IL1RAPL2: variants seen among roughly 807,000 people sequenced by gnomAD.
IL1RAPL2 encodes interleukin 1 receptor accessory protein like 2.
In IL1RAPL2, 3 loss-of-function variants were observed where a neutral mutation model predicts 44.1. That is an observed-to-expected ratio of 0.07 (90% CI 0.03 to 0.18). The LOEUF (loss-of-function observed/expected upper bound fraction) is 0.18, where lower values mean the gene tolerates loss of function less well. Ranked by LOEUF, IL1RAPL2 falls within the 10% of genes least tolerant of loss-of-function variation. The pLI is 1.00. For missense variants in IL1RAPL2, 391 were observed against 496.4 expected (o/e 0.79, Z 2.02); for synonymous variants, 181 against 178.8 (o/e 1.01, Z -0.10).
intron 6 of IL1RAPL2, among the ~76,000 whole-genome samples, chrX:105,610,730 C>T (rs2037329493): frequency 9.0e-6 from 1 of 111,638 alleles, no homozygotes; most frequent in African/African-American, 3.3e-5. Flanking sequence ...ACCGACTGTG[C>T]TACCAGTCAT....
intron 6 of IL1RAPL2, among the ~76,000 whole-genome samples, chrX:105,572,274 G>T (rs2037019666): frequency 8.9e-6 from 1 of 111,861 alleles, no homozygotes; most frequent in Admixed American, 9.5e-5. Flanking sequence ...GAAAAGGTCT[G>T]CAAGAGTGGG....
intron 2 of IL1RAPL2, among the ~76,000 whole-genome samples, chrX:104,677,872 G>A (rs1379921304): frequency 5.4e-5 from 6 of 111,997 alleles, no homozygotes; most frequent in African/African-American, 1.3e-4. Context: ...GGTGCCCTCC[G>A]TCACCCCTTT....
At chrX:105,375,700 T>C (rs1415781393) in intron 5 of IL1RAPL2, among the ~76,000 whole-genome samples, 4 of 112,518 alleles carry the variant, frequency 3.6e-5, no homozygotes, top group Non-Finnish European at 1.9e-5. Context: ...TTTCAAGATA[T>C]TTTTCTATGC....
chrX:104,846,843 A>T lies in IL1RAPL2; in HGVS notation c.82+187848A>T, dbSNP rs1036729711. Among the ~76,000 whole-genome samples the T allele has an allele frequency of 1.8e-4, 20 of 110,922 alleles. No homozygotes were observed. In the East Asian group the frequency reaches 4.6e-3, roughly 25 times the overall value. ...GTAAAAGTGTTCCTATTTCTCCACA[A>T]CCTCTCCAGCACCTGTTGTTTCCTG... On this transcript the variant is annotated intron_variant, in intron 2 of 10. Transcript: ENST00000372582.
intron 2 of IL1RAPL2, among the ~76,000 whole-genome samples, chrX:104,742,679 G>GC (rs987263365): frequency 9.0e-6 from 1 of 111,251 alleles, no homozygotes; most frequent in African/African-American, 3.3e-5. Flanking sequence ...TATTCCAAAG[G>GC]CATGGATTCA....
At chrX:105,469,220 T>C (rs2036150273) in intron 5 of IL1RAPL2, among the ~76,000 whole-genome samples, 1 of 111,352 alleles carries the variant, frequency 9.0e-6, no homozygotes, top group Non-Finnish European at 1.9e-5. Context: ...AAAGATTGTC[T>C]AGGATGGAAA....
chrX:104,958,096 GTAAA>G (rs2029934654), intron 2 of IL1RAPL2, among the ~76,000 whole-genome samples: 1 of 111,043 alleles, frequency 9.0e-6, no homozygotes, highest in African/African-American at 3.3e-5. Flanking sequence ...CTGTCTCAAA[GTAAA>G]TAAATGAATG....
chrX:105,336,449 A>G (rs1331662151), intron 5 of IL1RAPL2, among the ~76,000 whole-genome samples: 1 of 112,512 alleles, frequency 8.9e-6, no homozygotes, highest in Non-Finnish European at 1.9e-5. Context: ...TAGGCTCTCA[A>G]GTTTGTGCTA....
intron 2 of IL1RAPL2, among the ~76,000 whole-genome samples, chrX:104,739,126 C>G (rs1478661912): frequency 9.0e-6 from 1 of 111,519 alleles, no homozygotes; most frequent in Non-Finnish European, 1.9e-5. Flanking sequence ...ACTTATGTAG[C>G]ACCAGACCTC....
intron 2 of IL1RAPL2, among the ~76,000 whole-genome samples, chrX:104,810,628 C>CA (rs976415671): frequency 9.1e-6 from 1 of 110,418 alleles, no homozygotes; most frequent in Non-Finnish European, 1.9e-5. Context: ...ATATGCGTAA[C>CA]AAAAAAAACT....
chrX:104,749,541 A>G (rs1442557794), intron 2 of IL1RAPL2, among the ~76,000 whole-genome samples: 2 of 112,077 alleles, frequency 1.8e-5, no homozygotes, highest in Non-Finnish European at 3.8e-5. Context: ...ATTATCTTTC[A>G]TTTACATGCA....
In IL1RAPL2 at chrX:105,281,032, A is replaced by T. The variant is rs1323054402; in HGVS notation, c.697+13491A>T. On this transcript the variant is annotated intron_variant, in intron 5 of 10. Coordinates refer to ENST00000372582, the MANE Select transcript of IL1RAPL2 (RefSeq NM_017416.2). ...ATACTTGGAACTAACCCAAATGTCCAGCAATGATAGACTGGATAAAGAAAA... is the reference window on the plus strand; with the variant it reads ...ATACTTGGAACTAACCCAAATGTCCTGCAATGATAGACTGGATAAAGAAAA... Among the ~76,000 whole-genome samples the T allele has an allele frequency of 9.8e-5, 11 of 112,037 alleles. No individual in the cohort carries two copies. The Admixed American group carries it at 1.0e-3, about 11-fold the overall frequency.
intron 2 of IL1RAPL2, among the ~76,000 whole-genome samples, chrX:104,691,172 A>G (rs1011209693): frequency 7.1e-5 from 8 of 112,403 alleles, no homozygotes; most frequent in African/African-American, 2.6e-4. Flanking sequence ...CAACCATTTT[A>G]GGAGCTCTGC....
At chrX:105,109,161 C>G (rs769622153) in intron 2 of IL1RAPL2, among the ~76,000 whole-genome samples, 1 of 112,214 alleles carries the variant, frequency 8.9e-6, no homozygotes, top group Non-Finnish European at 1.9e-5. Context: ...CTCTTTTTCC[C>G]TCTCAGAACC....
chrX:105,086,152 A>G (rs2032476735), intron 2 of IL1RAPL2, among the ~76,000 whole-genome samples: 1 of 111,705 alleles, frequency 9.0e-6, no homozygotes, highest in Non-Finnish European at 1.9e-5. Context: ...AGATATCTGC[A>G]CTTGCATGTT....
intron 5 of IL1RAPL2, among the ~76,000 whole-genome samples, chrX:105,269,019 C>T (rs2034427560): frequency 9.1e-6 from 1 of 110,331 alleles, no homozygotes; most frequent in East Asian, 2.9e-4. Context: ...GGATAATATC[C>T]AAGCCATGAT....
intron 1 of IL1RAPL2, among the ~76,000 whole-genome samples, chrX:104,621,994 T>C (rs891388262): frequency 1.8e-5 from 2 of 111,187 alleles, no homozygotes; most frequent in Non-Finnish European, 3.8e-5. Flanking sequence ...GAACCAACCA[T>C]TGTGCAGTTT....
intron 2 of IL1RAPL2, among the ~76,000 whole-genome samples, chrX:105,039,959 A>G (rs542896495): frequency 2.6e-4 from 29 of 110,540 alleles, no homozygotes; most frequent in African/African-American, 9.3e-4. Context: ...GTCTTGTGCC[A>G]GTTTTCAAAG....
intron 1 of IL1RAPL2, among the ~76,000 whole-genome samples, chrX:104,575,253 C>A (rs1231853032): frequency 9.0e-6 from 1 of 110,821 alleles, no homozygotes; most frequent in Non-Finnish European, 1.9e-5. Flanking sequence ...TATGGATAAA[C>A]ATATAATAAT....
Sources: gnomAD v4.1 joint callset for allele counts (sites outside exome capture counted in the v4.1 genomes callset) on GRCh38, gnomAD v4.1.1 for gene constraint, MANE v1.5 for transcripts, NCBI Gene and HGNC (gene_info 2026-07-23, HGNC 2026-07-21) for gene names.